ARHGAP22: variants seen among roughly 807,000 people sequenced by gnomAD.
The protein encoded by ARHGAP22 is rho GTPase-activating protein 22.
In ARHGAP22, 48 loss-of-function variants were observed where a neutral mutation model predicts 59.1. The observed-to-expected ratio is 0.81, with a 90% CI of 0.64 to 1.03. The LOEUF (loss-of-function observed/expected upper bound fraction) is 1.03. Among genes scored for constraint, ARHGAP22 ranks in the 50% least tolerant of loss-of-function variants. The probability of loss-of-function intolerance (pLI) is 0.00; values close to 1 mark genes in which losing one functional copy is unlikely to be tolerated. For synonymous variants in ARHGAP22, 445 were observed against 416.4 expected, an observed-to-expected ratio of 1.07 and a Z score of -0.84; for missense variants, 1,015 against 958.7, an observed-to-expected ratio of 1.06 and a Z score of -0.78.
At chr10:48,479,573 AG>A in intron 4 of ARHGAP22, 62 bp downstream of exon 4, 1 of 1,612,646 alleles carries the variant, frequency 6.2e-7, no homozygotes, top group South Asian at 1.1e-5. Context: ...CAGGACAGGC[AG>A]GGGGCATGAT....
At chr10:48,577,575 G>GGGCCCA (rs2058800015) in intron 2 of ARHGAP22, among the ~76,000 whole-genome samples, 1 of 152,066 alleles carries the variant, frequency 6.6e-6, no homozygotes, top group Admixed American at 6.5e-5. Context: ...AACCAAATGT[G>GGGCCCA]GATAGAGACT....
Position 48,450,993 on chromosome 10 carries a change from C to G in ARHGAP22, c.1136G>C (p.Ser379Thr), listed in dbSNP as rs754911949. The G allele has an allele frequency of 1.9e-6, 3 of 1,560,062 alleles. No homozygotes were observed. The highest frequency in any genetic ancestry group is 2.6e-6 in the Non-Finnish European group (3 of 1,152,552). The change falls in exon 9 of 10, where the codon AGC becomes ACC. Residue 379 changes from serine (S) to threonine (T), a missense_variant. Ser to Thr is a moderately conservative substitution (Grantham distance 58). Transcript: ENST00000249601. ...GWGSEEVTRD[S>T]QGEPGGPGLP... ...GCCGGGGCCGCCGGGCTCTCCTTGG[C>G]TGTCCCTGGTGACCTCCTCGGAGCC... is the stretch of plus-strand genomic sequence containing the variant.
chr10:48,654,814 CTTTCTTT>C (rs768328293), upstream of ARHGAP22, among the ~76,000 whole-genome samples: 644 of 114,756 alleles, frequency 5.6e-3, 8 homozygotes, highest in Middle Eastern at 0.019. Flanking sequence ...TTCTTTCTTT[CTTTCTTT>C]CTTTCTTCCT....
At chr10:48,533,542 G>A (rs1589999111) in intron 3 of ARHGAP22, among the ~76,000 whole-genome samples, 1 of 152,124 alleles carries the variant, frequency 6.6e-6, no homozygotes, top group Non-Finnish European at 1.5e-5. Flanking sequence ...TCTCAATAGA[G>A]GCCATTTCAA....
intron 3 of ARHGAP22, among the ~76,000 whole-genome samples, chr10:48,481,566 A>G (rs1244209723): frequency 6.6e-6 from 1 of 152,238 alleles, no homozygotes; most frequent in African/African-American, 2.4e-5. Flanking sequence ...GGCCCCACAA[A>G]ACTTGGATCT....
intron 3 of ARHGAP22, among the ~76,000 whole-genome samples, chr10:48,499,023 C>T (rs1455171524): frequency 6.6e-6 from 1 of 152,076 alleles, no homozygotes; most frequent in East Asian, 1.9e-4. Flanking sequence ...GGGGCGTGTC[C>T]TGCCTGTTGG....
At chr10:48,562,150 C>T (rs192053722) in intron 2 of ARHGAP22, among the ~76,000 whole-genome samples, 6 of 151,292 alleles carry the variant, frequency 4.0e-5, no homozygotes, top group South Asian at 2.1e-4. Context: ...CTCTGGAACC[C>T]GGGAGGCAGA....
intron 2 of ARHGAP22, among the ~76,000 whole-genome samples, chr10:48,576,852 C>T (rs1224575834): frequency 6.6e-6 from 1 of 152,088 alleles, no homozygotes; most frequent in Non-Finnish European, 1.5e-5. Context: ...CTGTGGAATT[C>T]CTAGCATGGG....
chr10:48,497,548 C>G (rs191144547), intron 3 of ARHGAP22, among the ~76,000 whole-genome samples: 1 of 152,262 alleles, frequency 6.6e-6, no homozygotes, highest in East Asian at 1.9e-4. Context: ...TGTAAGGGGT[C>G]GGCTGTTTGA....
At chr10:48,492,619 T>A (rs2134241424) in intron 3 of ARHGAP22, among the ~76,000 whole-genome samples, 1 of 152,278 alleles carries the variant, frequency 6.6e-6, no homozygotes, top group East Asian at 1.9e-4. Context: ...AGTGGCACAA[T>A]CCTGGCTCAC....
intron 2 of ARHGAP22, among the ~76,000 whole-genome samples, chr10:48,561,523 T>C (rs900857228): frequency 6.6e-6 from 1 of 152,150 alleles, no homozygotes; most frequent in Non-Finnish European, 1.5e-5. Context: ...AAAACTGCTT[T>C]TCAAACACAT....
chr10:48,555,696 C>A, intron 2 of ARHGAP22, 146 bp from the exon 3 acceptor site: 1 of 693,242 alleles, frequency 1.4e-6, no homozygotes, highest in Non-Finnish European at 2.5e-6. Context: ...GGGGCACACA[C>A]CTCCTCTCCT....
At chr10:48,563,019 G>C (rs10776616) in intron 2 of ARHGAP22, among the ~76,000 whole-genome samples, 1 of 151,588 alleles carries the variant, frequency 6.6e-6, no homozygotes, top group South Asian at 2.1e-4. Context: ...GGCAGGATCT[G>C]TTTCTCACTT....
intron 2 of ARHGAP22, among the ~76,000 whole-genome samples, chr10:48,577,013 G>T (rs10776625): frequency 0.47 from 71,204 of 151,324 alleles, 17,936 homozygotes; most frequent in East Asian, 0.97. Context: ...ATCCTGGGGA[G>T]TTTATTTCAA....
At chr10:48,626,448 G>A (rs2061452151) in intron 1 of ARHGAP22, among the ~76,000 whole-genome samples, 1 of 152,188 alleles carries the variant, frequency 6.6e-6, no homozygotes, top group Admixed American at 6.5e-5. Context: ...CCAGTAAGCT[G>A]TTAATGGTGG....
chr10:48,432,794 A>T, the ARHGAP22 span, among the ~76,000 whole-genome samples: 1 of 152,212 alleles, frequency 6.6e-6, no homozygotes, highest in Non-Finnish European at 1.5e-5. Flanking sequence ...TTATGATCAC[A>T]AAATAAGTCA....
chr10:48,612,201 A>G (rs2060922724), intron 1 of ARHGAP22, among the ~76,000 whole-genome samples: 1 of 151,866 alleles, frequency 6.6e-6, no homozygotes, highest in Admixed American at 6.6e-5. Context: ...TTCCAAGTTG[A>G]CAAACTCCCT....
chr10:48,583,164 G>A lies in ARHGAP22; in HGVS notation c.35-12C>T. 6.2e-7 allele frequency: 1 copy of A among 1,612,406 alleles called. No individual in the cohort carries two copies. Among genetic ancestry groups the A allele is most frequent in the Non-Finnish European group, 8.5e-7 (1 of 1,179,244 alleles). On this transcript the variant is annotated splice_polypyrimidine_tract_variant and intron_variant, in intron 1 of 9. Transcript: ENST00000249601. ...GCTTTTGGAGCGGGCTGAAAGCCAA[G>A]GACACACAGAGTGAGCATGAAGGCA...
intron 4 of ARHGAP22, among the ~76,000 whole-genome samples, chr10:48,469,712 G>A (rs2048050718): frequency 6.6e-6 from 1 of 152,222 alleles, no homozygotes; most frequent in Non-Finnish European, 1.5e-5. Flanking sequence ...GCTGCCTCCA[G>A]ATTGTACCAA....
Sources: allele counts gnomAD v4.1 joint callset (sites outside exome capture counted in the v4.1 genomes callset), GRCh38; gene constraint gnomAD v4.1.1; transcripts MANE v1.5; gene names NCBI Gene and HGNC (gene_info 2026-07-23, HGNC 2026-07-21).